The following FAM184A variants were observed in gnomAD, a reference collection of about 807,000 sequenced individuals.
FAM184A encodes the protein protein FAM184A.
FAM184A carries 99 observed loss-of-function variants against 143.8 expected under a neutral mutation model. The ratio of observed to expected loss-of-function variants is 0.69; its 90% CI spans 0.58 to 0.81. The LOEUF (loss-of-function observed/expected upper bound fraction) is 0.81. Ranked by LOEUF, FAM184A falls within the 40% of genes least tolerant of loss-of-function variation. The probability of loss-of-function intolerance (pLI) is 0.00; values close to 1 mark genes in which losing one functional copy is unlikely to be tolerated. For missense variants in FAM184A, 1,217 were observed against 1,310.5 expected (o/e 0.93, Z 1.10); for synonymous variants, 427 against 446.4 (o/e 0.96, Z 0.55).
At chr6:118,985,901 G>T (rs1465243768) in intron 9 of FAM184A, among the ~76,000 whole-genome samples, 2 of 152,098 alleles carry the variant, frequency 1.3e-5, no homozygotes, top group Non-Finnish European at 2.9e-5. Context: ...TAACGAAAAT[G>T]GTCATGTAAA....
rs201898162 is a variant in FAM184A at position 118,978,734 on chromosome 6, AC to A, written c.2455+630del. On this transcript the variant is annotated intron_variant, in intron 11 of 17. Coordinates refer to ENST00000338891, the MANE Select transcript of FAM184A (RefSeq NM_024581.6). ...GGAAAGAGTGTGCCACTGAAGTATGACAACATGTTAAAAATATTAGCATAAT... is the reference window on the plus strand; with the variant it reads ...GGAAAGAGTGTGCCACTGAAGTATGAAACATGTTAAAAATATTAGCATAAT... Among the ~76,000 whole-genome samples the A allele has an allele frequency of 1.6e-3, 240 of 152,264 alleles. 1 individual carries two copies. The East Asian group carries it at 0.034, about 22-fold the overall frequency.
chr6:119,080,577 T>C (rs1215099681), upstream of FAM184A, among the ~76,000 whole-genome samples: 1 of 152,220 alleles, frequency 6.6e-6, no homozygotes, highest in African/African-American at 2.4e-5. Flanking sequence ...AGGTCGAGTA[T>C]CCTTTATCCA....
chr6:118,968,447 CA>C (rs1327762222), intron 14 of FAM184A, among the ~76,000 whole-genome samples: 1 of 152,084 alleles, frequency 6.6e-6, no homozygotes, highest in Non-Finnish European at 1.5e-5. Flanking sequence ...CAATAGAGAC[CA>C]AGTGAAAAAT....
At chr6:119,007,751 G>A (rs1023708474) in intron 6 of FAM184A, among the ~76,000 whole-genome samples, 3 of 152,102 alleles carry the variant, frequency 2.0e-5, no homozygotes, top group African/African-American at 7.2e-5. Flanking sequence ...GACCAGCCTG[G>A]CCAACATGGC....
At chr6:119,089,125 T>G (rs1298677841) in intron 1 of FAM184A, among the ~76,000 whole-genome samples, 1 of 151,576 alleles carries the variant, frequency 6.6e-6, no homozygotes, top group Non-Finnish European at 1.5e-5. Context: ...TCAAGCAATC[T>G]TCCCACCCTC....
At position 119,019,984 on chromosome 6, in the gene FAM184A, C is replaced by T; in HGVS notation, c.1326G>A (p.Leu442=). 1.9e-6 allele frequency: 3 copies of T among 1,563,074 alleles called. No individual in the cohort carries two copies. The highest frequency in any genetic ancestry group is 1.7e-6 in the Non-Finnish European group (2 of 1,160,826). The change falls in exon 4 of 18, where the codon CTG becomes CTA. Residue 442 remains leucine (L), a synonymous_variant. Transcript: ENST00000338891. ...DEEQKQQILE[L]EKKVNEAKRT... ...AGTGTCCATTACTTTTTACCTTCTCCAGTTCTAGAATCTGTTGCTTCTGCT... is the reference window on the plus strand; with the variant it reads ...AGTGTCCATTACTTTTTACCTTCTCTAGTTCTAGAATCTGTTGCTTCTGCT...
intron 1 of FAM184A, among the ~76,000 whole-genome samples, chr6:119,027,468 C>T (rs530427364): frequency 1.4e-4 from 22 of 152,190 alleles, no homozygotes; most frequent in African/African-American, 4.3e-4. Flanking sequence ...ATTTCCTGTG[C>T]GATAGGATCA....
chr6:119,011,249 C>A, intron 6 of FAM184A, 60 bp downstream of exon 6: 2 of 1,434,140 alleles, frequency 1.4e-6, no homozygotes, highest in South Asian at 1.3e-5. Flanking sequence ...ACAATGTCAC[C>A]AGAATAAGTT....
chr6:119,059,222 C>G (rs944766047), intron 1 of FAM184A, among the ~76,000 whole-genome samples: 2 of 152,120 alleles, frequency 1.3e-5, no homozygotes, highest in Admixed American at 1.3e-4. Flanking sequence ...TCAAGCAATC[C>G]TCCCACCTCG....
chr6:119,022,815 T>G, intron 3 of FAM184A, 130 bp downstream of exon 3: 2 of 1,029,098 alleles, frequency 1.9e-6, no homozygotes, highest in Non-Finnish European at 2.8e-6. Context: ...AGGCAGAGGT[T>G]GCAATGAGCC....
intron 4 of FAM184A, among the ~76,000 whole-genome samples, 162 bp from the exon 5 acceptor site, chr6:119,017,106 A>C (rs1390699453): frequency 6.6e-6 from 1 of 152,218 alleles, no homozygotes; most frequent in East Asian, 1.9e-4. Flanking sequence ...CAGAAAGTGA[A>C]AGGGGAGCCT....
Position 119,078,058 on chromosome 6 carries a change from G to C in FAM184A, c.159+83C>G, listed in dbSNP as rs898947332. ...TAGAGTTCCCCTCGCTGCGGGCGCA[G>C]GGCGCACTGCCTCCCGGGGAGACAG... On this transcript the variant is annotated intron_variant, in intron 1 of 17. Transcript: ENST00000338891. The surrounding 1 kb of genome is among the most constrained non-coding windows in gnomAD (Gnocchi z 5.5). 5 of 1,470,152 alleles carry C rather than the reference G, an allele frequency of 3.4e-6. No homozygotes were observed. Among genetic ancestry groups the C allele is most frequent in the Non-Finnish European group, 3.6e-6 (4 of 1,101,110 alleles). 91.1% of individuals were successfully genotyped at this position (1,470,152 alleles called of 1,614,324 possible).
chr6:119,120,092 G>A (rs568572022), intron 1 of FAM184A, among the ~76,000 whole-genome samples: 2 of 152,340 alleles, frequency 1.3e-5, no homozygotes, highest in South Asian at 4.1e-4. Context: ...TCACAGAATT[G>A]TGCAAGCATC....
At chr6:119,090,117 C>T (rs1321322081) in intron 1 of FAM184A, among the ~76,000 whole-genome samples, 1 of 152,106 alleles carries the variant, frequency 6.6e-6, no homozygotes, top group Non-Finnish European at 1.5e-5. Context: ...CAAGCAGGGA[C>T]TGAATAAGTT....
chr6:119,027,528 TG>T (rs1001771145), intron 1 of FAM184A, among the ~76,000 whole-genome samples: 11 of 152,168 alleles, frequency 7.2e-5, no homozygotes, highest in African/African-American at 2.4e-4. Flanking sequence ...TTTAGGGACC[TG>T]CAAACCCCCA....
chr6:119,011,801 C>A (rs1785100175), intron 5 of FAM184A, among the ~76,000 whole-genome samples: 1 of 152,114 alleles, frequency 6.6e-6, no homozygotes, highest in South Asian at 2.1e-4. Context: ...GACACTTCTA[C>A]AAATCAGTGG....
intron 1 of FAM184A, among the ~76,000 whole-genome samples, chr6:119,052,688 A>G (rs887741324): frequency 2.8e-4 from 42 of 152,366 alleles, no homozygotes; most frequent in African/African-American, 9.6e-4. Flanking sequence ...TTAAGCTGGC[A>G]GCCACTTTCA....
intron 14 of FAM184A, among the ~76,000 whole-genome samples, chr6:118,969,156 A>G (rs1034402984): frequency 1.3e-5 from 2 of 152,170 alleles, no homozygotes; most frequent in Admixed American, 1.3e-4. Context: ...TCACCATGTG[A>G]ATAAGGATGT....
intron 1 of FAM184A, among the ~76,000 whole-genome samples, chr6:119,060,611 C>G (rs1787194668): frequency 6.6e-6 from 1 of 152,134 alleles, no homozygotes; most frequent in Non-Finnish European, 1.5e-5. Flanking sequence ...ATCTGTGGCC[C>G]CACCCAAATC....
Sources: gnomAD v4.1 joint callset for allele counts (sites outside exome capture counted in the v4.1 genomes callset) on GRCh38, gnomAD v4.1.1 for gene constraint, Gnocchi (gnomAD v3.1) non-coding constraint, MANE v1.5 for transcripts, NCBI Gene and HGNC (gene_info 2026-07-23, HGNC 2026-07-21) for gene names.